RBFOX1: variants seen among roughly 807,000 people sequenced by gnomAD.
The protein encoded by RBFOX1 is RNA binding fox-1 homolog 1.
In RBFOX1, 8 loss-of-function variants were observed where a neutral mutation model predicts 57.7. The observed-to-expected ratio is 0.14, with a 90% CI of 0.08 to 0.25. RBFOX1 has a LOEUF of 0.25. Among genes scored for constraint, RBFOX1 ranks in the 10% least tolerant of loss-of-function variants. The pLI is 1.00. For synonymous variants in RBFOX1, 326 were observed against 222.4 expected, an observed-to-expected ratio of 1.47 and a Z score of -4.15; for missense variants, 611 against 548.5, an observed-to-expected ratio of 1.11 and a Z score of -1.14.
intron 2 of RBFOX1, among the ~76,000 whole-genome samples, chr16:6,495,680 A>G (rs1427618185): frequency 6.6e-6 from 1 of 152,014 alleles, no homozygotes; most frequent in African/African-American, 2.4e-5. Flanking sequence ...TGGCTTTTGG[A>G]TCTCCAAGAC....
At chr16:6,500,876 G>GTT (rs1190261525) in intron 2 of RBFOX1, among the ~76,000 whole-genome samples, 599 of 29,976 alleles carry the variant, frequency 0.02, 6 homozygotes, top group East Asian at 0.058. Flanking sequence ...TTGGGGAGTA[G>GTT]TTTTTTTTTT....
chr16:5,660,677 A>T (rs570242064), intron 3 of RBFOX1, among the ~76,000 whole-genome samples: 2 of 152,286 alleles, frequency 1.3e-5, no homozygotes, highest in African/African-American at 4.8e-5. Context: ...CATAGAGATA[A>T]AGTGCTTAAA....
At chr16:7,178,096 C>A (rs2346601) in intron 4 of RBFOX1, among the ~76,000 whole-genome samples, 32,437 of 152,078 alleles carry the variant, frequency 0.21, 4,136 homozygotes, top group East Asian at 0.39. Context: ...GCTGCTGTTA[C>A]AAATAACCCC....
chr16:6,526,255 AGAG>A (rs2096576146), intron 2 of RBFOX1, among the ~76,000 whole-genome samples: 2 of 152,336 alleles, frequency 1.3e-5, no homozygotes, highest in Middle Eastern at 3.4e-3. Flanking sequence ...ATTGAGTAAT[AGAG>A]TATTGGGTTT....
chr16:5,279,055 T>A (rs1275369369), intron 1 of RBFOX1, among the ~76,000 whole-genome samples: 1 of 152,212 alleles, frequency 6.6e-6, no homozygotes, highest in Non-Finnish European at 1.5e-5. Context: ...TGCTCAGTAT[T>A]GCTTTGGCTA....
At chr16:5,845,936 G>T (rs999139484) in intron 3 of RBFOX1, among the ~76,000 whole-genome samples, 3 of 152,174 alleles carry the variant, frequency 2.0e-5, no homozygotes, top group African/African-American at 7.2e-5. Context: ...ACTTTGGGAG[G>T]CTGAGGTGGG....
intron 1 of RBFOX1, among the ~76,000 whole-genome samples, chr16:6,154,240 C>G (rs67882166): frequency 3.9e-5 from 6 of 152,124 alleles, no homozygotes; most frequent in South Asian, 2.1e-4. Flanking sequence ...GCAAGGTTAT[C>G]AGGTTGGTAC....
At chr16:6,744,395 A>G (rs1568433601) in intron 3 of RBFOX1, among the ~76,000 whole-genome samples, 2 of 152,230 alleles carry the variant, frequency 1.3e-5, no homozygotes, top group South Asian at 2.1e-4. Context: ...AGCAGGATAC[A>G]TATTGTTTTC....
chr16:6,665,304 C>CT (rs1163820332), intron 3 of RBFOX1, among the ~76,000 whole-genome samples: 1 of 152,072 alleles, frequency 6.6e-6, no homozygotes, highest in Admixed American at 6.6e-5. Flanking sequence ...AGCTAAATGA[C>CT]TTAAATGGAC....
At chr16:6,959,054 A>C (rs1461839472) in intron 3 of RBFOX1, among the ~76,000 whole-genome samples, 1 of 152,200 alleles carries the variant, frequency 6.6e-6, no homozygotes, top group Non-Finnish European at 1.5e-5. Flanking sequence ...TTCACCATCT[A>C]AGTAATATTA....
chr16:6,992,102 C>T (rs555624701), intron 3 of RBFOX1, among the ~76,000 whole-genome samples: 35 of 152,060 alleles, frequency 2.3e-4, no homozygotes, highest in Admixed American at 1.2e-3. Context: ...TTAGGGAGAA[C>T]GGGTGTAGCT....
At chr16:6,762,756 C>T (rs373327796) in intron 3 of RBFOX1, among the ~76,000 whole-genome samples, 3 of 151,384 alleles carry the variant, frequency 2.0e-5, no homozygotes, top group Non-Finnish European at 4.4e-5. Flanking sequence ...AAGAGCCTTA[C>T]CCCAAGGGGA....
At chr16:5,470,236 G>C (rs2069088708) in intron 2 of RBFOX1, among the ~76,000 whole-genome samples, 1 of 152,212 alleles carries the variant, frequency 6.6e-6, no homozygotes, top group Admixed American at 6.5e-5. Flanking sequence ...GCCCTGGGTA[G>C]CATGGTTCTA....
At chr16:7,458,682 T>C (rs556272415) in intron 4 of RBFOX1, among the ~76,000 whole-genome samples, 2 of 152,272 alleles carry the variant, frequency 1.3e-5, no homozygotes, top group East Asian at 3.9e-4. Context: ...TGCAATTTTT[T>C]TCAAGTTCTT....
chr16:5,810,210 G>C (rs113770122), intron 3 of RBFOX1, among the ~76,000 whole-genome samples: 2,005 of 151,638 alleles, frequency 0.013, 56 homozygotes, highest in African/African-American at 0.046. Flanking sequence ...AGCTTTAGGA[G>C]ATATACCTAA....
chr16:6,690,620 G>C (rs151280680), intron 3 of RBFOX1, among the ~76,000 whole-genome samples: 2 of 152,028 alleles, frequency 1.3e-5, no homozygotes, highest in African/African-American at 4.8e-5. Flanking sequence ...AGCAGGGATT[G>C]GTTGATTCGT....
intron 4 of RBFOX1, among the ~76,000 whole-genome samples, chr16:7,396,472 C>T (rs2098140767): frequency 6.6e-6 from 1 of 151,858 alleles, no homozygotes; most frequent in African/African-American, 2.4e-5. Context: ...CATTTCTGCG[C>T]TTCCCTACAC....
chr16:7,409,605 C>G lies in RBFOX1; in HGVS notation c.28-108542C>G, dbSNP rs143606244. ...ATGTGTGCGTAATACATATTACGTT[C>G]GTTTGGATGGTCTTAATAAGGAGCC... is the stretch of plus-strand genomic sequence containing the variant. On this transcript the variant is annotated intron_variant, in intron 4 of 15. Transcript: ENST00000550418. Among the ~76,000 whole-genome samples the G allele has an allele frequency of 7.9e-5, 12 of 152,242 alleles. No individual in the cohort carries two copies. In the East Asian group the frequency reaches 2.3e-3, roughly 30 times the overall value.
At chr16:7,621,134 C>T (rs2059255850) in intron 10 of RBFOX1, among the ~76,000 whole-genome samples, 1 of 152,076 alleles carries the variant, frequency 6.6e-6, no homozygotes, top group East Asian at 1.9e-4. Context: ...CCCTAGTAGT[C>T]TTATCATCTA....
Sources: gnomAD v4.1 joint callset for allele counts (sites outside exome capture counted in the v4.1 genomes callset) on GRCh38, gnomAD v4.1.1 for gene constraint, MANE v1.5 for transcripts, NCBI Gene and HGNC (gene_info 2026-07-23, HGNC 2026-07-21) for gene names.